The following HDAC9 variants were observed in gnomAD, a reference collection of about 807,000 sequenced individuals.
The protein encoded by HDAC9 is MEF-2 interacting transcription repressor (MITR) protein.
A neutral mutation model predicts 139.4 loss-of-function variants in HDAC9; 41 were observed. The ratio of observed to expected loss-of-function variants is 0.29; its 90% CI spans 0.23 to 0.38. The LOEUF (loss-of-function observed/expected upper bound fraction) is 0.38, where lower values mean the gene tolerates loss of function less well. Ranked by LOEUF, HDAC9 falls within the 10% of genes least tolerant of loss-of-function variation. The probability of loss-of-function intolerance (pLI) is 1.00; values close to 1 mark genes in which losing one functional copy is unlikely to be tolerated. For synonymous variants in HDAC9, 517 were observed against 476.2 expected (o/e 1.09, Z -1.12); for missense variants, 1,147 against 1,297.0 (o/e 0.88, Z 1.78).
At chr7:18,921,617 T>C (rs1047671397) in intron 22 of HDAC9, among the ~76,000 whole-genome samples, 5 of 152,158 alleles carry the variant, frequency 3.3e-5, no homozygotes, top group African/African-American at 1.2e-4. Flanking sequence ...GGAACACTTT[T>C]ACACTGTTGG....
At chr7:18,959,871 C>T (rs929444935) in intron 24 of HDAC9, among the ~76,000 whole-genome samples, 1 of 152,118 alleles carries the variant, frequency 6.6e-6, no homozygotes, top group African/African-American at 2.4e-5. Flanking sequence ...AATGGTGGCA[C>T]AGGCAAGAAT....
intron 1 of HDAC9, chr7:18,458,914 C>G (rs1244984339): frequency 2.6e-6 from 4 of 1,523,584 alleles, no homozygotes; most frequent in Non-Finnish European, 3.5e-6. Context: ...AGAACCAGAC[C>G]TTATCCTTTT....
intron 2 of HDAC9, among the ~76,000 whole-genome samples, chr7:18,538,805 T>C (rs1456056104): frequency 3.9e-5 from 6 of 152,206 alleles, no homozygotes; most frequent in African/African-American, 1.4e-4. Flanking sequence ...TCATTCTGTT[T>C]TCTACTTCTG....
chr7:18,411,683 A>G (rs184063501), intron 1 of HDAC9, among the ~76,000 whole-genome samples: 2 of 151,772 alleles, frequency 1.3e-5, no homozygotes, highest in African/African-American at 4.8e-5. Context: ...CTAGCTTTTT[A>G]AAAAATAGTC....
chr7:18,105,938 C>T (rs1255024300), intron 1 of HDAC9, among the ~76,000 whole-genome samples: 4 of 152,036 alleles, frequency 2.6e-5, no homozygotes, highest in Non-Finnish European at 5.9e-5. Context: ...CCTGGGTGAA[C>T]CTTGAAAACA....
intron 12 of HDAC9, among the ~76,000 whole-genome samples, chr7:18,723,040 A>G (rs997187622): frequency 6.6e-6 from 1 of 152,248 alleles, no homozygotes; most frequent in East Asian, 1.9e-4. Context: ...CTTTTCTCAC[A>G]TTATCTCTTG....
intron 3 of HDAC9, among the ~76,000 whole-genome samples, chr7:18,588,257 C>T (rs1015872370): frequency 6.6e-6 from 1 of 151,998 alleles, no homozygotes. Flanking sequence ...GAGTTTTAGG[C>T]ACCTAATGTA....
chr7:18,813,660 C>A (rs1794353116), intron 17 of HDAC9, among the ~76,000 whole-genome samples: 1 of 152,152 alleles, frequency 6.6e-6, no homozygotes, highest in African/African-American at 2.4e-5. Context: ...GGCAGTTATA[C>A]ATTTACTTTG....
At chr7:18,590,100 G>A (rs554463139) in intron 3 of HDAC9, among the ~76,000 whole-genome samples, 2 of 152,146 alleles carry the variant, frequency 1.3e-5, no homozygotes, top group Non-Finnish European at 2.9e-5. Context: ...TTAACAGTTA[G>A]TTTTGATAGG....
chr7:18,251,926 A>G (rs1230102427), intron 2 of HDAC9, among the ~76,000 whole-genome samples: 1 of 152,226 alleles, frequency 6.6e-6, no homozygotes, highest in Non-Finnish European at 1.5e-5. Context: ...TGCACTGTAT[A>G]TACGTATGTC....
At chr7:18,161,014 T>G (rs996279231) in intron 1 of HDAC9, among the ~76,000 whole-genome samples, 12 of 152,228 alleles carry the variant, frequency 7.9e-5, no homozygotes, top group African/African-American at 2.7e-4. Flanking sequence ...GATGTTGCTT[T>G]CTCATTGACA....
intron 1 of HDAC9, among the ~76,000 whole-genome samples, chr7:18,308,075 A>C (rs1219718553): frequency 2.6e-5 from 4 of 152,182 alleles, no homozygotes; most frequent in Non-Finnish European, 5.9e-5. Flanking sequence ...ACAAATATAA[A>C]AATACATGTT....
At chr7:18,832,315 G>T (rs968261278) in intron 19 of HDAC9, among the ~76,000 whole-genome samples, 7 of 152,182 alleles carry the variant, frequency 4.6e-5, no homozygotes, top group Non-Finnish European at 7.3e-5. Flanking sequence ...TGTTGATCAA[G>T]TACATTTAGA....
At chr7:18,614,918 A>G (rs1250815183) in intron 6 of HDAC9, among the ~76,000 whole-genome samples, 1 of 152,200 alleles carries the variant, frequency 6.6e-6, no homozygotes, top group Non-Finnish European at 1.5e-5. Flanking sequence ...ACAAGCTTTA[A>G]ACTTGCTGTT....
intron 22 of HDAC9, 35 bp from the exon 23 acceptor site, chr7:18,935,774 T>C (rs1191683039): frequency 6.3e-7 from 1 of 1,596,728 alleles, no homozygotes; most frequent in Admixed American, 1.7e-5. Flanking sequence ...TCTCTTGATT[T>C]AATACTTTGA....
chr7:18,485,390 A>G (rs1270721842), intron 1 of HDAC9, among the ~76,000 whole-genome samples: 3 of 151,684 alleles, frequency 2.0e-5, no homozygotes, highest in Non-Finnish European at 4.4e-5. Context: ...TTAGCAGCCT[A>G]CAGAGTGATA....
At chr7:18,808,122 G>C (rs1370184936) in intron 17 of HDAC9, 2 of 152,140 alleles carry the variant, frequency 1.3e-5, no homozygotes, top group Non-Finnish European at 2.9e-5. Context: ...CTCCTCTATT[G>C]AGGAACGTCA....
rs146391513 is a variant in HDAC9 at position 18,145,824 on chromosome 7, A to T, written c.-96-16405A>T. On this transcript the variant is annotated intron_variant, in intron 1 of 12. Coordinates refer to the HDAC9 transcript ENST00000417496. ...GAGGAAGTTCCTCTAAAGGAGAGCA[A>T]AGTAGCCTAGATAGTTTCAGAGATC... 1.4e-3 allele frequency among the ~76,000 whole-genome samples: 209 copies of T among 152,288 alleles called. 1 individual carries two copies. The highest frequency in any genetic ancestry group is 2.5e-3 in the Non-Finnish European group (173 of 68,014).
chr7:18,108,098 A>G (rs1783348000), intron 1 of HDAC9, among the ~76,000 whole-genome samples: 1 of 152,236 alleles, frequency 6.6e-6, no homozygotes, highest in South Asian at 2.1e-4. Flanking sequence ...ACAATTAGCT[A>G]CATGAGAAGC....
Sources: gnomAD v4.1 joint callset for allele counts (sites outside exome capture counted in the v4.1 genomes callset) on GRCh38, gnomAD v4.1.1 for gene constraint, MANE v1.5 for transcripts, NCBI Gene and HGNC (gene_info 2026-07-23, HGNC 2026-07-21) for gene names.